TRPS1: variants seen among roughly 807,000 people sequenced by gnomAD.
The protein encoded by TRPS1 is zinc finger transcription factor Trps1.
A neutral mutation model predicts 101.2 loss-of-function variants in TRPS1; 6 were observed. That is an observed-to-expected ratio of 0.06 (90% confidence interval 0.03 to 0.12). The LOEUF is 0.12. Among genes scored for constraint, TRPS1 ranks in the 10% least tolerant of loss-of-function variants. TRPS1 has a pLI of 1.00. For synonymous variants in TRPS1, 578 were observed against 589.8 expected (o/e 0.98, Z 0.29); for missense variants, 1,363 against 1,567.0 (o/e 0.87, Z 2.20).
chr8:115,552,989 A>C (rs1586395231), intron 5 of TRPS1, among the ~76,000 whole-genome samples: 1 of 152,282 alleles, frequency 6.6e-6, no homozygotes, highest in East Asian at 1.9e-4. Context: ...GTAAAAATGC[A>C]TCACTACCTA....
chr8:115,528,311 TAATA>T (rs1816049989), intron 5 of TRPS1, among the ~76,000 whole-genome samples: 2 of 152,068 alleles, frequency 1.3e-5, no homozygotes, highest in Non-Finnish European at 2.9e-5. Context: ...TAATAACAAC[TAATA>T]TATACTGAGC....
At chr8:115,425,902 C>A (rs1813175726) in intron 5 of TRPS1, among the ~76,000 whole-genome samples, 1 of 152,112 alleles carries the variant, frequency 6.6e-6, no homozygotes, top group Non-Finnish European at 1.5e-5. Context: ...TTGGAAAAAC[C>A]CAGATTTCTG....
rs1320989784 is a variant in TRPS1 at position 115,511,817 on chromosome 8, A to T, written c.2700+75184T>A. On this transcript the variant is annotated intron_variant, in intron 5 of 6. Transcript: ENST00000395715. ...GACATATCAAAAAGATGGATAAGAC[A>T]TATTTCTACATATAAACTATATGTG... Among the ~76,000 whole-genome samples the T allele has an allele frequency of 2.0e-5, 3 of 151,910 alleles. No individual in the cohort carries two copies. In the East Asian group the frequency reaches 5.8e-4, roughly 29 times the overall value.
chr8:115,443,064 C>G (rs1182978772), intron 5 of TRPS1, among the ~76,000 whole-genome samples: 2 of 151,968 alleles, frequency 1.3e-5, no homozygotes, highest in African/African-American at 4.8e-5. Context: ...CCACTGCACT[C>G]CAGCCTGTGT....
At chr8:115,664,870 T>C (rs1447320131) in intron 1 of TRPS1, among the ~76,000 whole-genome samples, 3 of 152,122 alleles carry the variant, frequency 2.0e-5, no homozygotes, top group Non-Finnish European at 2.9e-5. Context: ...AAGTGGAAAG[T>C]TGTCAGCCTG....
intron 5 of TRPS1, among the ~76,000 whole-genome samples, chr8:115,504,321 T>A (rs1384054262): frequency 1.3e-5 from 2 of 152,160 alleles, no homozygotes; most frequent in Admixed American, 1.3e-4. Context: ...AAAACAACCA[T>A]TGTCCACAAA....
At chr8:115,640,594 G>A (rs1374262536) in intron 1 of TRPS1, among the ~76,000 whole-genome samples, 1 of 152,162 alleles carries the variant, frequency 6.6e-6, no homozygotes, top group Non-Finnish European at 1.5e-5. Context: ...AAAACAGCAG[G>A]TCTTTGGGAA....
chr8:115,572,770 T>C (rs1395579585), intron 5 of TRPS1, among the ~76,000 whole-genome samples: 1 of 152,160 alleles, frequency 6.6e-6, no homozygotes, highest in East Asian at 1.9e-4. Flanking sequence ...ACTTGGTAAG[T>C]ACAAAACCAG....
At chr8:115,507,646 C>T (rs150171759) in intron 5 of TRPS1, among the ~76,000 whole-genome samples, 1 of 152,192 alleles carries the variant, frequency 6.6e-6, no homozygotes, top group East Asian at 1.9e-4. Context: ...AAACATTCCG[C>T]TAATATTACT....
intron 4 of TRPS1, among the ~76,000 whole-genome samples, chr8:115,596,280 T>C (rs927542342): frequency 6.6e-6 from 1 of 151,952 alleles, no homozygotes; most frequent in African/African-American, 2.4e-5. Flanking sequence ...AGACCATAAT[T>C]ATATTACTGA....
chr8:115,454,948 G>A (rs1813979685), intron 5 of TRPS1, among the ~76,000 whole-genome samples: 1 of 152,082 alleles, frequency 6.6e-6, no homozygotes, highest in Admixed American at 6.6e-5. Context: ...GATACCATGT[G>A]GATTTTGTTT....
At chr8:115,541,314 T>A (rs1234333543) in intron 5 of TRPS1, among the ~76,000 whole-genome samples, 1 of 152,192 alleles carries the variant, frequency 6.6e-6, no homozygotes. Flanking sequence ...TCTTTCTTTT[T>A]CACCACAGTG....
chr8:115,575,090 C>T (rs1022296159), intron 5 of TRPS1, among the ~76,000 whole-genome samples: 2 of 152,052 alleles, frequency 1.3e-5, no homozygotes, highest in Admixed American at 1.3e-4. Context: ...CATAGAGGAG[C>T]CTGACTGTTG....
intron 5 of TRPS1, among the ~76,000 whole-genome samples, chr8:115,525,438 TACC>T (rs1815973148): frequency 1.3e-5 from 2 of 152,106 alleles, no homozygotes; most frequent in African/African-American, 4.8e-5. Flanking sequence ...CGTTCATAAG[TACC>T]ATGTATGCCA....
At chr8:115,460,217 C>G (rs1400257958) in intron 5 of TRPS1, among the ~76,000 whole-genome samples, 1 of 152,026 alleles carries the variant, frequency 6.6e-6, no homozygotes. Flanking sequence ...AACACAATCA[C>G]CTGCTCAGTA....
chr8:115,622,313 G>C (rs1818413638), intron 2 of TRPS1, among the ~76,000 whole-genome samples: 1 of 152,072 alleles, frequency 6.6e-6, no homozygotes, highest in African/African-American at 2.4e-5. Flanking sequence ...GAAGCCCTGG[G>C]AATGTGTGAA....
intron 5 of TRPS1, among the ~76,000 whole-genome samples, chr8:115,537,633 T>C (rs1415827978): frequency 6.6e-6 from 1 of 152,212 alleles, no homozygotes; most frequent in African/African-American, 2.4e-5. Context: ...AAAAGACATG[T>C]CCTGAGACTC....
chr8:115,625,043 A>G (rs1818475250), intron 1 of TRPS1, among the ~76,000 whole-genome samples: 1 of 151,968 alleles, frequency 6.6e-6, no homozygotes, highest in South Asian at 2.1e-4. Context: ...TCAACTAAAT[A>G]AATCAACTAT....
At chr8:115,441,160 T>A (rs1009072582) in intron 5 of TRPS1, among the ~76,000 whole-genome samples, 1 of 152,336 alleles carries the variant, frequency 6.6e-6, no homozygotes, top group East Asian at 1.9e-4. Flanking sequence ...ATCACTCAGA[T>A]GTTTTAAGTT....
Sources: gnomAD v4.1 joint callset for allele counts (sites outside exome capture counted in the v4.1 genomes callset) on GRCh38, gnomAD v4.1.1 for gene constraint, MANE v1.5 for transcripts, NCBI Gene and HGNC (gene_info 2026-07-23, HGNC 2026-07-21) for gene names.